Variants in USP29 observed in about 807,000 individuals in gnomAD.
The protein encoded by USP29 is ubiquitin carboxyl-terminal hydrolase 29.
For missense variants in USP29, 1,102 were observed against 1,069.0 expected (o/e 1.03, Z -0.43); for synonymous variants, 386 against 387.4 (o/e 1.00, Z 0.04).
rs987668213 is a variant in USP29 at position 57,124,111 on chromosome 19, A to G, written c.-45A>G. 6.6e-6 allele frequency: 1 copy of G among 152,178 alleles called. No individual in the cohort carries two copies. The highest frequency in any genetic ancestry group is 2.4e-5 in the African/African-American group (1 of 41,444). 9.4% of individuals were successfully genotyped at this position (152,178 alleles called of 1,614,324 possible). On this transcript the variant is annotated 5_prime_UTR_variant, in exon 3 of 4. An upstream open reading frame in the 5' UTR loses its in-frame stop. Coordinates refer to ENST00000254181, the MANE Select transcript of USP29 (RefSeq NM_020903.3). Reference sequence around the variant, plus strand: ...GCTCTCCAAAGCTTAAACTTCAGTAAATTGACTCAAGTTTCTTCGGAAAGA... The same window carrying G: ...GCTCTCCAAAGCTTAAACTTCAGTAGATTGACTCAAGTTTCTTCGGAAAGA...
intron 1 of USP29, among the ~76,000 whole-genome samples, chr19:57,120,872 A>G (rs189150012): frequency 6.6e-6 from 1 of 150,922 alleles, no homozygotes; most frequent in Non-Finnish European, 1.5e-5. Flanking sequence ...TGGGAGGCCA[A>G]GGCGGGCGGA....
rs2146953956 is a variant in USP29 at position 57,129,133 on chromosome 19, C to T, written c.458C>T (p.Ser153Leu). ...YQKMPLFMSK[S>L]PTHVKKGILE... ...AAGATGCCTTTGTTTATGTCAAAAT[C>T]ACCAACACATGTGAAAAAGGGGATA... The change falls in exon 4 of 4, where the codon TCA (serine) becomes TTA (leucine). Residue 153 changes from serine (S) to leucine (L), a missense_variant. Physicochemically the swap from Ser to Leu is moderately radical, Grantham distance 145. Coordinates refer to ENST00000254181, the MANE Select transcript of USP29 (RefSeq NM_020903.3). 6.2e-7 allele frequency: 1 copy of T among 1,613,456 alleles called. No individual in the cohort carries two copies. Among genetic ancestry groups the T allele is most frequent in the East Asian group, 2.2e-5 (1 of 44,856 alleles).
Position 57,130,420 on chromosome 19 carries a change from A to C in USP29, c.1745A>C (p.Lys582Thr). The stretch of plus-strand genomic sequence containing the variant: ...AACAGCCCATTGACACCATCAATGA[A>C]GCTGACCTCAGAATCCAGTGATTCC... ...EINSPLTPSM[K>T]LTSESSDSLV... The change falls in exon 4 of 4, where the codon AAG (lysine) becomes ACG (threonine). Residue 582 changes from lysine to threonine, a missense_variant. By Grantham distance (78) the Lys-to-Thr change is moderately conservative. Coordinates refer to ENST00000254181, the MANE Select transcript of USP29 (RefSeq NM_020903.3). The C allele has an allele frequency of 6.2e-7, 1 of 1,614,198 alleles. No homozygotes were observed. The highest frequency in any genetic ancestry group is 8.5e-7 in the Non-Finnish European group (1 of 1,180,030).
intron 1 of USP29, 135 bp downstream of exon 1, chr19:57,120,364 T>G (rs1840021585): frequency 6.6e-6 from 1 of 151,454 alleles, no homozygotes; most frequent in South Asian, 2.1e-4. Context: ...ACGCCTGTAG[T>G]GTCAGATAGT....
At position 57,131,662 on chromosome 19, in the gene USP29, T is replaced by C; in HGVS notation, c.*218T>C. ...GCATATTTTCCCTGCAAGATTAGAATGGTGCTCTTCACGTTTTGACGGTGG... is the reference window on the plus strand; with the variant it reads ...GCATATTTTCCCTGCAAGATTAGAACGGTGCTCTTCACGTTTTGACGGTGG... On this transcript the variant is annotated 3_prime_UTR_variant, in exon 4 of 4. Coordinates refer to ENST00000254181, the MANE Select transcript of USP29 (RefSeq NM_020903.3). 1.5e-6 allele frequency: 1 copy of C among 680,810 alleles called. No individual in the cohort carries two copies. Among genetic ancestry groups the C allele is most frequent in the Non-Finnish European group, 2.3e-6 (1 of 432,226 alleles). 42.2% of individuals were successfully genotyped at this position (680,810 alleles called of 1,614,324 possible). A position where few individuals can be genotyped will look rare whatever the true frequency, so the allele number is the denominator to read the frequency against.
In USP29 at chr19:57,128,855, G is replaced by T. The variant is rs2086837337; in HGVS notation, c.180G>T (p.Val60=). Residue 60 remains valine, a synonymous_variant, in exon 4 of 4, where the codon GTG becomes GTT. Coordinates refer to ENST00000254181, the MANE Select transcript of USP29 (RefSeq NM_020903.3). ...IFQLSNNIRS[V]VLRHCKKRQS... ...AGCTGAGCAACAACATTAGAAGTGTGGTCCTTAGACATTGTAAAAAAAGAC... is the reference window on the plus strand; with the variant it reads ...AGCTGAGCAACAACATTAGAAGTGTTGTCCTTAGACATTGTAAAAAAAGAC... The T allele has an allele frequency of 1.9e-6, 3 of 1,613,664 alleles. No individual in the cohort carries two copies. In the Admixed American group the frequency reaches 5.0e-5, roughly 27 times the overall value.
Position 57,131,115 on chromosome 19 carries a change from G to A in USP29, c.2440G>A (p.Val814Met), listed in dbSNP as rs757907940. 1.1e-5 allele frequency: 17 copies of A among 1,614,072 alleles called. No homozygotes were observed. Among genetic ancestry groups the A allele is most frequent in the East Asian group, 8.9e-5 (4 of 44,890 alleles). The change falls in exon 4 of 4, where the codon GTG becomes ATG. Residue 814 changes from valine (V) to methionine (M), a missense_variant. Coordinates refer to ENST00000254181, the MANE Select transcript of USP29 (RefSeq NM_020903.3). ...TGAAGCCAAGGAACTAACAAGAAAC[G>A]TGAAGATGGGGGATCCTCTCCAGGC... ...RGEAKELTRN[V>M]KMGDPLQAYR...
Position 57,129,966 on chromosome 19 carries a change from G to T in USP29, c.1291G>T (p.Glu431Ter). ...VCPVVANFEF[E>*]LQLSLICKAC... ...CCCTGTTGTTGCTAATTTTGAGTTT[G>T]AATTGCAGCTCTCCCTTATTTGTAA... The change falls in exon 4 of 4, where the codon GAA (glutamate) becomes TAA (stop). Residue 431 changes from glutamate to a stop codon, truncating the protein, a stop_gained. Coordinates refer to ENST00000254181, the MANE Select transcript of USP29 (RefSeq NM_020903.3). LOFTEE classifies it low-confidence loss of function (END_TRUNC). 1 of 1,614,182 alleles carries T rather than the reference G, an allele frequency of 6.2e-7. No individual in the cohort carries two copies. Among genetic ancestry groups the T allele is most frequent in the Non-Finnish European group, 8.5e-7 (1 of 1,180,036 alleles).
chr19:57,129,251 CA>C lies in USP29; in HGVS notation c.578del (p.Lys193ArgfsTer8). 6.2e-7 allele frequency: 1 copy of C among 1,612,854 alleles called. No homozygotes were observed. Among genetic ancestry groups the C allele is most frequent in the Non-Finnish European group, 8.5e-7 (1 of 1,179,738 alleles). On this transcript the variant is annotated frameshift_variant, in exon 4 of 4. Coordinates refer to ENST00000254181, the MANE Select transcript of USP29 (RefSeq NM_020903.3). LOFTEE classifies it low-confidence loss of function (END_TRUNC). Reference protein sequence around the residue: ...ILKEDNPVPNKKYKTDSLKYI... With the variant: ...ILKEDNPVPNXKYKTDSLKYI... ...TGAAGGAAGATAACCCTGTACCAAA[CA>C]AGAAATATAAGACAGATTCCTTGAA...
chr19:57,129,292 A>G lies in USP29; in HGVS notation c.617A>G (p.Asn206Ser), dbSNP rs973778935. 6 of 1,613,990 alleles carry G rather than the reference A, an allele frequency of 3.7e-6. No homozygotes were observed. The highest frequency in any genetic ancestry group is 1.3e-5 in the African/African-American group (1 of 74,912). Residue 206 changes from asparagine to serine, a missense_variant, in exon 4 of 4, where the codon AAT becomes AGT. Transcript: ENST00000254181. Reference protein sequence around the residue: ...KTDSLKYIQSNRKNPSSLEDL... With the variant: ...KTDSLKYIQSSRKNPSSLEDL... ...GATTCCTTGAAATATATACAAAGCA[A>G]TAGGAAGAACCCATCAAGTTTAGAG...
In USP29 at chr19:57,122,645, T is replaced by C. The variant is rs555975174; in HGVS notation, c.-118+171T>C. Among the ~76,000 whole-genome samples the C allele has an allele frequency of 3.9e-5, 6 of 152,110 alleles. No individual in the cohort carries two copies. The South Asian group carries it at 1.2e-3, about 32-fold the overall frequency. On this transcript the variant is annotated intron_variant, in intron 2 of 3. Coordinates refer to ENST00000254181, the MANE Select transcript of USP29 (RefSeq NM_020903.3). ...TATTGTGATGAGGGGAATTTCATCT[T>C]CTACCCTTTATGAGGTTGAATTGTA... is the stretch of plus-strand genomic sequence containing the variant.
intron 3 of USP29, among the ~76,000 whole-genome samples, chr19:57,125,549 G>A (rs2074518958): frequency 6.6e-6 from 1 of 151,684 alleles, no homozygotes; most frequent in African/African-American, 2.4e-5. Flanking sequence ...ATCTTTGTTG[G>A]TTTAACATCT....
At position 57,129,734 on chromosome 19, in the gene USP29, T is replaced by C. The variant is rs750834820; in HGVS notation, c.1059T>C (p.Asn353=). Reference sequence around the variant, plus strand: ...AGATCAAGAGAGAATTACTTGGGAATGTTAAAAAAGTCATTTCAGCAGTTG... The same window carrying C: ...AGATCAAGAGAGAATTACTTGGGAACGTTAAAAAAGTCATTTCAGCAGTTG... ...STKIKRELLG[N]VKKVISAVAE... is the part of the protein sequence containing the mutation. The change falls in exon 4 of 4, where the codon AAT becomes AAC. Residue 353 remains asparagine, a synonymous_variant. Coordinates refer to ENST00000254181, the MANE Select transcript of USP29 (RefSeq NM_020903.3). 1 of 1,613,778 alleles carries C rather than the reference T, an allele frequency of 6.2e-7. No individual in the cohort carries two copies. The highest frequency in any genetic ancestry group is 1.7e-5 in the Admixed American group (1 of 59,942).
At chr19:57,124,758 C>G (rs538115116) in intron 3 of USP29, among the ~76,000 whole-genome samples, 4 of 152,162 alleles carry the variant, frequency 2.6e-5, no homozygotes, top group Non-Finnish European at 5.9e-5. Flanking sequence ...ATCCACCTGC[C>G]TCAGCCTCCC....
intron 3 of USP29, among the ~76,000 whole-genome samples, chr19:57,126,436 C>CACAAAG (rs1650245917): frequency 6.6e-6 from 1 of 152,096 alleles, no homozygotes; most frequent in African/African-American, 2.4e-5. Context: ...TCCCATGTTT[C>CACAAAG]TTGGAGCCTT....
Position 57,131,250 on chromosome 19 carries a change from C to G in USP29, c.2575C>G (p.Leu859Val). The G allele has an allele frequency of 6.2e-7, 1 of 1,614,180 alleles. No individual in the cohort carries two copies. Among genetic ancestry groups the G allele is most frequent in the Non-Finnish European group, 8.5e-7 (1 of 1,180,036 alleles). ...GCAGGCCTGGTTCACATACAACGATCTATGTGTATCAGAAATCTCAGAGAC... is the reference window on the plus strand; with the variant it reads ...GCAGGCCTGGTTCACATACAACGATGTATGTGTATCAGAAATCTCAGAGAC... The part of the protein sequence containing the change: ...QKQAWFTYND[L>V]CVSEISETKM... The change falls in exon 4 of 4, where the codon CTA (leucine) becomes GTA (valine). Residue 859 changes from leucine to valine, a missense_variant. By Grantham distance (32) the Leu-to-Val change is conservative. Coordinates refer to ENST00000254181, the MANE Select transcript of USP29 (RefSeq NM_020903.3).
In USP29 at chr19:57,131,377, C is replaced by T. The variant is rs1568456950; in HGVS notation, c.2702C>T (p.Pro901Leu). The T allele has an allele frequency of 1.2e-6, 2 of 1,614,162 alleles. No homozygotes were observed. The highest frequency in any genetic ancestry group is 1.1e-5 in the South Asian group (1 of 91,088). ...LLRKAENSRL[P>L]STQAGVIPQG... ...AGAAAAGCAGAGAACTCTCGGCTAC[C>T]TAGCACACAGGCAGGGGTGATCCCT... The change falls in exon 4 of 4, where the codon CCT (proline) becomes CTT (leucine). Residue 901 changes from proline to leucine, a missense_variant. Coordinates refer to ENST00000254181, the MANE Select transcript of USP29 (RefSeq NM_020903.3).
rs1322181490 is a variant in USP29, at chr19:57,130,406, G to A, written c.1731G>A (p.Leu577=). The change falls in exon 4 of 4, where the codon TTG becomes TTA. Residue 577 remains leucine, a synonymous_variant. Transcript: ENST00000254181. The part of the protein sequence containing the change: ...QEMISEINSP[L]TPSMKLTSES... Reference sequence around the variant, plus strand: ...TGATTTCTGAGATCAACAGCCCATTGACACCATCAATGAAGCTGACCTCAG... The same window carrying A: ...TGATTTCTGAGATCAACAGCCCATTAACACCATCAATGAAGCTGACCTCAG... The A allele has an allele frequency of 1.9e-6, 3 of 1,614,162 alleles. No homozygotes were observed. The highest frequency in any genetic ancestry group is 1.7e-5 in the Admixed American group (1 of 60,024).
chr19:57,120,680 G>C (rs2086789751), intron 1 of USP29, among the ~76,000 whole-genome samples: 1 of 148,312 alleles, frequency 6.7e-6, no homozygotes, highest in Admixed American at 6.8e-5. Context: ...CCAGCTACTG[G>C]GGAGGCTGAG....
Sources: allele counts gnomAD v4.1 joint callset (sites outside exome capture counted in the v4.1 genomes callset), GRCh38; gene constraint gnomAD v4.1.1; transcripts MANE v1.5; gene names NCBI Gene and HGNC (gene_info 2026-07-23, HGNC 2026-07-21).